The following NINL variants were observed in gnomAD, a reference collection of about 807,000 sequenced individuals.
NINL encodes ninein like.
Under a neutral mutation model 160.3 loss-of-function variants are expected in NINL, and 153 were observed. The ratio of observed to expected loss-of-function variants is 0.95; its 90% CI spans 0.84 to 1.09. The LOEUF (loss-of-function observed/expected upper bound fraction) is 1.09. NINL is among the 50% of genes least tolerant of loss of function. The pLI is 0.00. For missense variants in NINL, 1,829 were observed against 1,764.0 expected (o/e 1.04, Z -0.66); for synonymous variants, 800 against 734.8 (o/e 1.09, Z -1.43).
At chr20:25,526,037 A>C (rs1344315066) in intron 2 of NINL, among the ~76,000 whole-genome samples, 1 of 152,212 alleles carries the variant, frequency 6.6e-6, no homozygotes, top group East Asian at 1.9e-4. Flanking sequence ...CCTTCAAGGG[A>C]CTGTGACGCT....
At chr20:25,573,470 G>A (rs1035546168) in intron 1 of NINL, among the ~76,000 whole-genome samples, 5 of 152,028 alleles carry the variant, frequency 3.3e-5, no homozygotes, top group East Asian at 1.9e-4. Context: ...GCTCTTCTAC[G>A]CTCTCTACAC....
chr20:25,570,142 T>C (rs1377315746), intron 1 of NINL, among the ~76,000 whole-genome samples: 2 of 152,142 alleles, frequency 1.3e-5, no homozygotes, highest in Non-Finnish European at 1.5e-5. Context: ...ATTGGGCCAT[T>C]GCACTCCAGC....
At position 25,476,605 on chromosome 20, in the gene NINL, C is replaced by A. The variant is rs745887243; in HGVS notation, c.2686G>T (p.Ala896Ser). Reference sequence around the variant, plus strand: ...TCTGAGGGGCCGTGGGATGCCGGGGCAGGGGCGGGGGCCGGGCTCTGCGTA... The same window carrying A: ...TCTGAGGGGCCGTGGGATGCCGGGGAAGGGGCGGGGGCCGGGCTCTGCGTA... ...EATQSPAPAP[A>S]PASHGPSERW... The change falls in exon 17 of 24, where the codon GCC becomes TCC. Residue 896 changes from alanine (A) to serine (S), a missense_variant. Ala to Ser is a moderately conservative substitution (Grantham distance 99). Transcript: ENST00000278886. 6.3e-7 allele frequency: 1 copy of A among 1,597,294 alleles called. No homozygotes were observed. Among genetic ancestry groups the A allele is most frequent in the South Asian group, 1.1e-5 (1 of 90,504 alleles).
chr20:25,528,802 A>G (rs2064401172), intron 1 of NINL, among the ~76,000 whole-genome samples: 1 of 152,230 alleles, frequency 6.6e-6, no homozygotes, highest in Non-Finnish European at 1.5e-5. Flanking sequence ...GAACAATTCT[A>G]AAAAAGAGGA....
chr20:25,467,526 A>G, intron 18 of NINL, 68 bp from the exon 19 acceptor site: 1 of 1,230,928 alleles, frequency 8.1e-7, no homozygotes, highest in Non-Finnish European at 1.2e-6. Flanking sequence ...CCTGGTCAGC[A>G]CCCAGGGTAA....
Position 25,505,072 on chromosome 20 carries a change from A to G in NINL, c.524T>C (p.Leu175Pro), listed in dbSNP as rs770264912. ...AAAGTCCTCAGAATCCCAGGTCTGC[A>G]GCTGTCCTGAAGCAAGGGAGGAGTC... Reference protein sequence around the residue: ...QNELFEAQGQLQTWDSEDFGS... With the variant: ...QNELFEAQGQPQTWDSEDFGS... The change falls in exon 6 of 24, where the codon CTG (leucine) becomes CCG (proline). Residue 175 changes from leucine (L) to proline (P), a missense_variant. Leu to Pro is a moderately conservative substitution (Grantham distance 98). Coordinates refer to ENST00000278886, the MANE Select transcript of NINL (RefSeq NM_025176.6). 4.4e-6 allele frequency: 7 copies of G among 1,588,612 alleles called. No homozygotes were observed. The highest frequency in any genetic ancestry group is 6.0e-6 in the Non-Finnish European group (7 of 1,166,702).
chr20:25,482,486 G>A (rs2146591006), intron 13 of NINL, among the ~76,000 whole-genome samples: 1 of 152,212 alleles, frequency 6.6e-6, no homozygotes, highest in Admixed American at 6.5e-5. Flanking sequence ...TTACAGGTGT[G>A]CGCCACTACG....
chr20:25,475,987 T>G, intron 17 of NINL, 56 bp downstream of exon 17: 1 of 1,545,906 alleles, frequency 6.5e-7, no homozygotes, highest in Non-Finnish European at 8.8e-7. Context: ...GTCAGTGGGT[T>G]AGTTCTGCAT....
In NINL at chr20:25,582,868, AC is replaced by A. The variant is rs1444444385; in HGVS notation, c.-12+2586del. Among the ~76,000 whole-genome samples, 17 of 152,340 alleles carry A rather than the reference AC, an allele frequency of 1.1e-4. No individual in the cohort carries two copies. In the Middle Eastern group the frequency reaches 0.01, roughly 91 times the overall value. On this transcript the variant is annotated intron_variant, in intron 1 of 23. Coordinates refer to ENST00000278886, the MANE Select transcript of NINL (RefSeq NM_025176.6). Reference sequence around the variant, plus strand: ...CTGATCTTCGACAAACCTGACAAAAACAAGCAATGGGGAAAGGATTTCCTAT... The same window carrying A: ...CTGATCTTCGACAAACCTGACAAAAAAAGCAATGGGGAAAGGATTTCCTAT...
intron 4 of NINL, among the ~76,000 whole-genome samples, chr20:25,511,088 A>T (rs1466692341): frequency 6.6e-6 from 1 of 152,212 alleles, no homozygotes. Context: ...CCCCCTCTGC[A>T]TGGTGATGGC....
At chr20:25,584,712 A>T (rs1274718771) in intron 1 of NINL, among the ~76,000 whole-genome samples, 1 of 152,134 alleles carries the variant, frequency 6.6e-6, no homozygotes, top group East Asian at 1.9e-4. Context: ...CAGAGCAGAA[A>T]GAAACGTGGC....
chr20:25,482,891 G>GTGGGCA (rs2063423237), intron 13 of NINL, among the ~76,000 whole-genome samples: 3 of 151,520 alleles, frequency 2.0e-5, no homozygotes, highest in African/African-American at 7.3e-5. Flanking sequence ...GGGCATGGTG[G>GTGGGCA]CATGCGCCTG....
At chr20:25,477,125 C>A in intron 16 of NINL, 36 bp from the exon 17 acceptor site, 1 of 1,518,728 alleles carries the variant, frequency 6.6e-7, no homozygotes, top group Non-Finnish European at 8.8e-7. Context: ...CACAGCCCTG[C>A]CGCCCCCAGC....
chr20:25,482,678 TG>T lies in NINL; in HGVS notation c.1678-579del, dbSNP rs1485305846. Among the ~76,000 whole-genome samples the T allele has an allele frequency of 1.0e-4, 15 of 147,372 alleles. No homozygotes were observed. In the East Asian group the frequency reaches 3.2e-3, roughly 31 times the overall value. On this transcript the variant is annotated intron_variant, in intron 13 of 23. Transcript: ENST00000278886. ...TACATCACTTTCTATCACTGTTATA[TG>T]GGAGGGGCTCAAAGAAAAAAGTGAG...
intron 17 of NINL, among the ~76,000 whole-genome samples, chr20:25,471,539 G>A (rs1019970778): frequency 8.5e-5 from 13 of 152,088 alleles, no homozygotes; most frequent in South Asian, 4.1e-4. Flanking sequence ...TAGATCCTGC[G>A]CAAAGCTGAT....
chr20:25,465,988 A>G (rs2062904237), intron 19 of NINL, among the ~76,000 whole-genome samples: 6 of 152,058 alleles, frequency 3.9e-5, no homozygotes, highest in Admixed American at 3.9e-4. Flanking sequence ...TGAAATATTG[A>G]GAAGTGGAGT....
intron 18 of NINL, among the ~76,000 whole-genome samples, chr20:25,469,661 C>A (rs1168270240): frequency 6.6e-6 from 1 of 152,184 alleles, no homozygotes; most frequent in Non-Finnish European, 1.5e-5. Context: ...CCTCCCCCAA[C>A]CCCTAAGTGC....
At chr20:25,530,513 G>A (rs764474295) in intron 1 of NINL, among the ~76,000 whole-genome samples, 7 of 151,950 alleles carry the variant, frequency 4.6e-5, no homozygotes, top group South Asian at 2.1e-4. Context: ...GGGGAGTATC[G>A]GGGAAAATTC....
intron 1 of NINL, among the ~76,000 whole-genome samples, chr20:25,533,042 T>A (rs1466817560): frequency 6.6e-6 from 1 of 152,144 alleles, no homozygotes; most frequent in Non-Finnish European, 1.5e-5. Context: ...GGAACCCCGC[T>A]GCAGAGAGGC....
Sources: allele counts gnomAD v4.1 joint callset (sites outside exome capture counted in the v4.1 genomes callset), GRCh38; gene constraint gnomAD v4.1.1; transcripts MANE v1.5; gene names NCBI Gene and HGNC (gene_info 2026-07-23, HGNC 2026-07-21).